The following CATSPERT variants were observed in gnomAD, a reference collection of about 807,000 sequenced individuals.
The protein encoded by CATSPERT is cation channel sperm-associated targeting subunit tau.
chr2:201,567,939 C>A, the CATSPERT span, among the ~76,000 whole-genome samples: 3 of 152,172 alleles, frequency 2.0e-5, no homozygotes, highest in African/African-American at 7.2e-5. Context: ...TGTTCTGGGC[C>A]CCACTCAAAA....
chr2:201,526,246 T>C, the CATSPERT span, among the ~76,000 whole-genome samples: 51 of 152,210 alleles, frequency 3.4e-4, no homozygotes, highest in Non-Finnish European at 5.9e-4. Context: ...GGGCCAGGCA[T>C]GGTGGCTCAC....
the CATSPERT span, among the ~76,000 whole-genome samples, chr2:201,595,483 C>T: frequency 1.6e-4 from 25 of 152,242 alleles, no homozygotes; most frequent in African/African-American, 3.4e-4. Context: ...CCACCGCGCC[C>T]GGCCTGTTAG....
the CATSPERT span, among the ~76,000 whole-genome samples, chr2:201,521,070 C>T: frequency 6.6e-6 from 1 of 151,932 alleles, no homozygotes; most frequent in African/African-American, 2.4e-5. Flanking sequence ...AAAGTCTGAA[C>T]AGACCAATAA....
chr2:201,566,686 G>A, the CATSPERT span, among the ~76,000 whole-genome samples: 2 of 152,070 alleles, frequency 1.3e-5, no homozygotes. Context: ...TGTCTTTACA[G>A]CAGCATGATT....
chr2:201,506,879 A>G, the CATSPERT span, among the ~76,000 whole-genome samples: 1 of 152,186 alleles, frequency 6.6e-6, no homozygotes, highest in African/African-American at 2.4e-5. Flanking sequence ...TGATTTTCAA[A>G]TAAATCTTCT....
chr2:201,546,861 G>A, the CATSPERT span, among the ~76,000 whole-genome samples: 1 of 152,122 alleles, frequency 6.6e-6, no homozygotes, highest in South Asian at 2.1e-4. Context: ...TAGCTTTTAA[G>A]TAGAAACAAA....
At chr2:201,492,026 T>C in the CATSPERT span, 39,637 of 1,536,086 alleles carry the variant, frequency 0.026, 721 homozygotes, top group African/African-American at 0.082. Context: ...GCTTCTTCCT[T>C]AGTGTAATAA....
At chr2:201,495,797 T>A in the CATSPERT span, 2 of 726,122 alleles carry the variant, frequency 2.8e-6, no homozygotes, top group Non-Finnish European at 4.3e-6. Flanking sequence ...TAGCCAGGTG[T>A]TTCTAATGAG....
the CATSPERT span, among the ~76,000 whole-genome samples, chr2:201,560,459 TAATAATAATAAC>T: frequency 9.7e-4 from 39 of 40,238 alleles, no homozygotes; most frequent in African/African-American, 2.8e-3. Flanking sequence ...ATAATAATAA[TAATAATAATAAC>T]AACAACAACA....
the CATSPERT span, among the ~76,000 whole-genome samples, chr2:201,584,737 C>T: frequency 6.6e-6 from 1 of 151,802 alleles, no homozygotes; most frequent in Non-Finnish European, 1.5e-5. Flanking sequence ...CAGCCAAGAT[C>T]GTGCCACTGC....
At chr2:201,523,357 A>T in the CATSPERT span, among the ~76,000 whole-genome samples, 1 of 152,196 alleles carries the variant, frequency 6.6e-6, no homozygotes. Flanking sequence ...CCAGGGTTAG[A>T]GCACACAGCC....
chr2:201,597,879 T>C, the CATSPERT span, among the ~76,000 whole-genome samples: 1 of 152,192 alleles, frequency 6.6e-6, no homozygotes, highest in African/African-American at 2.4e-5. Flanking sequence ...ACTTCCTATG[T>C]ATTTTCAGTT....
chr2:201,618,529 G>T, the CATSPERT span, among the ~76,000 whole-genome samples: 5 of 146,048 alleles, frequency 3.4e-5, no homozygotes, highest in South Asian at 4.5e-4. Flanking sequence ...TTGGACACGG[G>T]GGGGGAACAT....
chr2:201,493,269 T>C, the CATSPERT span: 1 of 1,536,664 alleles, frequency 6.5e-7, no homozygotes, highest in Non-Finnish European at 8.7e-7. Context: ...CTTTATTTGC[T>C]ATTGAATAAT....
At chr2:201,603,523 T>G in the CATSPERT span, among the ~76,000 whole-genome samples, 10 of 152,214 alleles carry the variant, frequency 6.6e-5, no homozygotes, top group Non-Finnish European at 1.0e-4. Context: ...AGCCAAAGAA[T>G]AATAATTCAT....
the CATSPERT span, among the ~76,000 whole-genome samples, chr2:201,573,852 T>TAAAAC: frequency 1.3e-5 from 2 of 152,152 alleles, no homozygotes; most frequent in East Asian, 3.9e-4. Flanking sequence ...AGATGGGGTT[T>TAAAAC]CACCATGTTG....
the CATSPERT span, chr2:201,494,729 G>A: frequency 8.5e-5 from 129 of 1,518,756 alleles, 1 homozygote; most frequent in Non-Finnish European, 1.7e-5. Flanking sequence ...CTTAGAAAAG[G>A]ATCAAAACCG....
chr2:201,569,626 C>A, the CATSPERT span, among the ~76,000 whole-genome samples: 1 of 152,162 alleles, frequency 6.6e-6, no homozygotes, highest in African/African-American at 2.4e-5. Context: ...TCCAAGGATG[C>A]CAGGATACCC....
chr2:201,494,056 T>G, the CATSPERT span: 14 of 1,535,096 alleles, frequency 9.1e-6, no homozygotes, highest in East Asian at 2.9e-4. Context: ...TTGACTACCT[T>G]CTGAAAATGA....
Sources: allele counts gnomAD v4.1 joint callset (sites outside exome capture counted in the v4.1 genomes callset), GRCh38; gene constraint gnomAD v4.1.1; transcripts MANE v1.5; gene names NCBI Gene and HGNC (gene_info 2026-07-23, HGNC 2026-07-21).